The following NAA35 variants were observed in gnomAD, a reference collection of about 807,000 sequenced individuals.
The protein encoded by NAA35 is N-alpha-acetyltransferase 35, NatC auxiliary subunit.
In NAA35, 18 loss-of-function variants were observed where a neutral mutation model predicts 101.7. That is an observed-to-expected ratio of 0.18 (90% CI 0.12 to 0.26). The LOEUF is 0.26. Among genes scored for constraint, NAA35 ranks in the 10% least tolerant of loss-of-function variants. NAA35 has a pLI of 1.00. For missense variants in NAA35, 601 were observed against 886.8 expected (o/e 0.68, Z 4.09); for synonymous variants, 267 against 273.1 (o/e 0.98, Z 0.22).
Position 86,003,764 on chromosome 9 carries a change from A to AT in NAA35, c.1116+130dup, listed in dbSNP as rs953767381. On this transcript the variant is annotated intron_variant, in intron 13 of 22. Coordinates refer to ENST00000361671, the MANE Select transcript of NAA35 (RefSeq NM_024635.4). ...AAGGATTTTCCAGTTAGTGTTGTGT[A>AT]TTTTTTTTTTAATTGAAGTATTAAC... 1,070 of 479,344 alleles carry AT rather than the reference A, an allele frequency of 2.2e-3. 2 individuals carry two copies. The highest frequency in any genetic ancestry group is 6.9e-3 in the South Asian group (151 of 21,792). 29.7% of individuals were successfully genotyped at this position (479,344 alleles called of 1,614,324 possible). A position where few individuals can be genotyped will look rare whatever the true frequency, so the allele number is the denominator to read the frequency against.
chr9:86,003,472 C>T (rs1351618787), intron 12 of NAA35, 113 bp from the exon 13 acceptor site: 6 of 498,740 alleles, frequency 1.2e-5, no homozygotes, highest in Admixed American at 3.6e-5. Flanking sequence ...CATATTTTAA[C>T]TCTGGTACTA....
At chr9:85,987,952 T>C (rs1280321360) in intron 11 of NAA35, among the ~76,000 whole-genome samples, 1 of 152,220 alleles carries the variant, frequency 6.6e-6, no homozygotes, top group Non-Finnish European at 1.5e-5. Flanking sequence ...AATAATACCT[T>C]GGAAAGGCAA....
rs1213040686 is a variant in NAA35, at chr9:85,996,396, T to C, written c.878-3T>C. 2.6e-6 allele frequency: 4 copies of C among 1,561,642 alleles called. No individual in the cohort carries two copies. Among genetic ancestry groups the C allele is most frequent in the Non-Finnish European group, 3.4e-6 (4 of 1,163,648 alleles). ...AATTTTACTTTCATTTTTTTCTTTT[T>C]AGATCATCCAATTATGATGGGTTTT... On this transcript the variant is annotated splice_polypyrimidine_tract_variant and splice_region_variant and intron_variant, in intron 11 of 22. Coordinates refer to ENST00000361671, the MANE Select transcript of NAA35 (RefSeq NM_024635.4).
intron 11 of NAA35, among the ~76,000 whole-genome samples, chr9:85,989,575 A>G (rs1830811155): frequency 6.6e-6 from 1 of 152,186 alleles, no homozygotes; most frequent in Admixed American, 6.5e-5. Context: ...ACTCGTAGAA[A>G]TATTTTTAAA....
intron 21 of NAA35, among the ~76,000 whole-genome samples, chr9:86,019,876 A>G (rs146320889): frequency 3.6e-4 from 55 of 152,344 alleles, no homozygotes; most frequent in African/African-American, 1.3e-3. Flanking sequence ...TCATTGCAGC[A>G]GGATTTCTAA....
At position 86,021,932 on chromosome 9, in the gene NAA35, A is replaced by G; in HGVS notation, c.2150A>G (p.Lys717Arg). Residue 717 changes from lysine (K) to arginine (R), a missense_variant, in exon 23 of 23, where the codon AAA becomes AGA. By Grantham distance (26) the Lys-to-Arg change is conservative. Transcript: ENST00000361671. The stretch of plus-strand genomic sequence containing the variant: ...CCTGAATTTGATTTCTCTGCTCATA[A>G]ATATTTTCCTGTTGTGAAACTTGTT... ...VPPEFDFSAH[K>R]YFPVVKLV 6.2e-7 allele frequency: 1 copy of G among 1,613,672 alleles called. No homozygotes were observed. The highest frequency in any genetic ancestry group is 8.5e-7 in the Non-Finnish European group (1 of 1,179,836).
chr9:85,955,360 A>ATATATTTTTTT (rs749448250), intron 2 of NAA35, among the ~76,000 whole-genome samples: 1 of 53,930 alleles, frequency 1.9e-5, no homozygotes, highest in Non-Finnish European at 3.0e-5. Flanking sequence ...ATATATATAT[A>ATATATTTTTTT]TTTTTTTTTT....
At chr9:85,991,868 A>C (rs1302612880) in intron 11 of NAA35, among the ~76,000 whole-genome samples, 1 of 152,106 alleles carries the variant, frequency 6.6e-6, no homozygotes, top group Non-Finnish European at 1.5e-5. Context: ...AAATATCATA[A>C]GTGTCCTTCT....
chr9:85,951,162 G>C (rs1488122406), intron 2 of NAA35, among the ~76,000 whole-genome samples: 1 of 151,314 alleles, frequency 6.6e-6, no homozygotes, highest in African/African-American at 2.4e-5. Flanking sequence ...ATGATAACCC[G>C]TTGCATGTTA....
At chr9:86,000,451 A>T (rs1242133255) in intron 12 of NAA35, among the ~76,000 whole-genome samples, 1 of 151,998 alleles carries the variant, frequency 6.6e-6, no homozygotes, top group Non-Finnish European at 1.5e-5. Flanking sequence ...AGTTTTTTGC[A>T]ATAGTTTCTG....
In NAA35 at chr9:85,955,327, CATATAT is replaced by C. The variant is rs1173706353; in HGVS notation, c.125-1004_125-999del. 2.9e-3 allele frequency among the ~76,000 whole-genome samples: 240 copies of C among 82,832 alleles called. 11 individuals are homozygous for C. Among genetic ancestry groups the C allele is most frequent in the South Asian group, 7.5e-3 (14 of 1,858 alleles). The allele number at this position is 82,832 out of a possible 152,430, so 54.3% of individuals were successfully genotyped here. On this transcript the variant is annotated intron_variant, in intron 2 of 22. Coordinates refer to ENST00000361671, the MANE Select transcript of NAA35 (RefSeq NM_024635.4). The stretch of plus-strand genomic sequence containing the variant: ...TCCACAGGATTTAGCCATCTATATA[CATATAT>C]ATATATATATATATATATATATATA...
intron 18 of NAA35, 124 bp downstream of exon 18, chr9:86,016,799 T>A: frequency 1.1e-6 from 1 of 945,510 alleles, no homozygotes; most frequent in Non-Finnish European, 1.5e-6. Context: ...TCAGAAACTA[T>A]AAGGTAGAGA....
Position 85,956,377 on chromosome 9 carries a change from C to A in NAA35, c.142C>A (p.Leu48Ile). ...EACRELKLGE[L>I]LHDKLFGLFE... ...TTTTTTAGAATTAAAGTTGGGAGAA[C>A]TACTTCATGATAAGCTGTAAGTATT... Residue 48 changes from leucine to isoleucine, a missense_variant, in exon 3 of 23, where the codon CTA becomes ATA. Transcript: ENST00000361671. 5 of 1,387,146 alleles carry A rather than the reference C, an allele frequency of 3.6e-6. No individual in the cohort carries two copies. Among genetic ancestry groups the A allele is most frequent in the South Asian group, 1.4e-5 (1 of 73,442 alleles). 85.9% of individuals were successfully genotyped at this position (1,387,146 alleles called of 1,614,324 possible). A position where few individuals can be genotyped will look rare whatever the true frequency, so the allele number is the denominator to read the frequency against.
intron 14 of NAA35, among the ~76,000 whole-genome samples, chr9:86,008,975 CCT>C (rs980318343): frequency 6.6e-6 from 1 of 152,080 alleles, no homozygotes; most frequent in African/African-American, 2.4e-5. Flanking sequence ...TTTGATTTTT[CCT>C]TTTTTAGAGC....
In NAA35 at chr9:85,996,417, G is replaced by T. The variant is rs1831163312; in HGVS notation, c.896G>T (p.Gly299Val). Residue 299 changes from glycine to valine, a missense_variant, in exon 12 of 23, where the codon GGT (glycine) becomes GTT (valine). By Grantham distance (109) the Gly-to-Val change is moderately radical (BLOSUM62 -3). This residue lies in a region of NAA35 where 190 missense variants were observed against 223.1 expected (regional missense o/e 0.85). Transcript: ENST00000361671. The part of the protein sequence containing the change: ...TTKGDHPIMM[G>V]FEPLVNQRLL... ...TTTTTAGATCATCCAATTATGATGG[G>T]TTTTGAACCCCTTGTGAACCAGAGG... 6.3e-7 allele frequency: 1 copy of T among 1,597,494 alleles called. No individual in the cohort carries two copies. Among genetic ancestry groups the T allele is most frequent in the Non-Finnish European group, 8.5e-7 (1 of 1,175,696 alleles).
Position 86,000,557 on chromosome 9 carries a change from T to C in NAA35, c.1057-3028T>C, listed in dbSNP as rs182532969. Among the ~76,000 whole-genome samples the C allele has an allele frequency of 2.2e-3, 334 of 152,248 alleles. 1 individual carries two copies. Among genetic ancestry groups the C allele is most frequent in the African/African-American group, 7.6e-3 (317 of 41,552 alleles). ...TTTTTTTTGGTTGGTAGGTTATTTATTACTGATTCAGTTTTGGAGCTCATT... is the reference window on the plus strand; with the variant it reads ...TTTTTTTTGGTTGGTAGGTTATTTACTACTGATTCAGTTTTGGAGCTCATT... On this transcript the variant is annotated intron_variant, in intron 12 of 22. Transcript: ENST00000361671.
intron 17 of NAA35, chr9:86,014,390 C>A: frequency 1.0e-6 from 1 of 979,550 alleles, no homozygotes; most frequent in Non-Finnish European, 1.2e-6. Flanking sequence ...TCTTCCCTTT[C>A]ACTTGCGGAC....
intron 2 of NAA35, 32 bp from the exon 3 acceptor site, chr9:85,956,328 T>C (rs761417328): frequency 3.9e-6 from 5 of 1,270,916 alleles, no homozygotes; most frequent in Non-Finnish European, 4.4e-6. Flanking sequence ...AATATAAATA[T>C]GTTCAAAGGG....
At position 85,962,088 on chromosome 9, in the gene NAA35, G is replaced by C; in HGVS notation, c.424G>C (p.Glu142Gln). The change falls in exon 6 of 23, where the codon GAA becomes CAA. Residue 142 changes from glutamate (E) to glutamine (Q), a missense_variant. Glu to Gln is a conservative substitution (Grantham distance 29, BLOSUM62 2). Around this residue, in one of 8 missense-constraint regions of NAA35, gnomAD observed 86 missense variants for 169.4 expected, o/e 0.51. Transcript: ENST00000361671. ...TTACATTCATAATCCAGACTTTATA[G>C]AAGATCCTGCTATGAAGGCTTTTGC... is the stretch of plus-strand genomic sequence containing the variant. ...CLYIHNPDFI[E>Q]DPAMKAFALG... 1 of 1,614,056 alleles carries C rather than the reference G, an allele frequency of 6.2e-7. No individual in the cohort carries two copies. The highest frequency in any genetic ancestry group is 8.5e-7 in the Non-Finnish European group (1 of 1,179,984).
Sources: gnomAD v4.1 joint callset for allele counts (sites outside exome capture counted in the v4.1 genomes callset) on GRCh38, gnomAD v4.1.1 for gene constraint, gnomAD v4.1.1 regional missense constraint, MANE v1.5 for transcripts, NCBI Gene and HGNC (gene_info 2026-07-23, HGNC 2026-07-21) for gene names.